Variants in SUGCT observed in about 807,000 individuals in gnomAD.
SUGCT encodes succinyl-CoA:glutarate CoA-transferase.
SUGCT carries 41 observed loss-of-function variants against 55.0 expected under a neutral mutation model. The ratio of observed to expected loss-of-function variants is 0.74; its 90% CI spans 0.58 to 0.97. The LOEUF is 0.97. Ranked by LOEUF, SUGCT falls within the 50% of genes least tolerant of loss-of-function variation. The pLI is 0.00. For missense variants in SUGCT, 568 were observed against 547.8 expected (o/e 1.04, Z -0.37); for synonymous variants, 187 against 200.4 (o/e 0.93, Z 0.56).
chr7:40,888,727 C>T, the SUGCT span, among the ~76,000 whole-genome samples: 3 of 152,140 alleles, frequency 2.0e-5, no homozygotes, highest in Non-Finnish European at 4.4e-5. Flanking sequence ...TTATGGCAGA[C>T]CACAGATAGG....
At chr7:40,945,528 G>A in the SUGCT span, among the ~76,000 whole-genome samples, 8,298 of 152,166 alleles carry the variant, frequency 0.055, 769 homozygotes, top group African/African-American at 0.19. Flanking sequence ...CTGCAATGGT[G>A]GGTGAGAGGA....
chr7:40,613,399 G>C (rs905158722), intron 12 of SUGCT, among the ~76,000 whole-genome samples: 3 of 152,148 alleles, frequency 2.0e-5, no homozygotes, highest in Admixed American at 6.5e-5. Context: ...ATTATGTGTG[G>C]AGTTAGACTT....
intron 13 of SUGCT, among the ~76,000 whole-genome samples, chr7:40,770,940 A>G (rs2128727681): frequency 6.6e-6 from 1 of 152,262 alleles, no homozygotes; most frequent in African/African-American, 2.4e-5. Flanking sequence ...TGATCACTTT[A>G]TGGCCTAGCA....
Position 40,194,959 on chromosome 7 carries a change from T to G in SUGCT, c.383T>G (p.Val128Gly). The stretch of plus-strand genomic sequence containing the variant: ...CATCAGCTTGCAGCTGTTTGTGATG[T>G]GTTTGTGGAAAACTATGTCCCTGGC... ...IIKELAAVCD[V>G]FVENYVPGKL... Residue 128 changes from valine to glycine, a missense_variant, in exon 6 of 14, where the codon GTG (valine) becomes GGG (glycine). Transcript: ENST00000335693. The G allele has an allele frequency of 6.2e-7, 1 of 1,613,700 alleles. No individual in the cohort carries two copies. Among genetic ancestry groups the G allele is most frequent in the Non-Finnish European group, 8.5e-7 (1 of 1,179,770 alleles).
chr7:40,991,832 G>A, the SUGCT span, among the ~76,000 whole-genome samples: 1 of 152,092 alleles, frequency 6.6e-6, no homozygotes, highest in African/African-American at 2.4e-5. Flanking sequence ...TATCAGAAGA[G>A]CCTTTCCCTC....
At chr7:40,866,580 A>C in the SUGCT span, among the ~76,000 whole-genome samples, 1 of 151,542 alleles carries the variant, frequency 6.6e-6, no homozygotes, top group South Asian at 2.1e-4. Flanking sequence ...GCAACTCCAC[A>C]AGTGCAGTGG....
At chr7:40,454,740 C>T (rs928173736) in intron 10 of SUGCT, among the ~76,000 whole-genome samples, 1 of 152,068 alleles carries the variant, frequency 6.6e-6, no homozygotes, top group African/African-American at 2.4e-5. Context: ...AGAATGCCAA[C>T]CTAGATTTCA....
intron 12 of SUGCT, among the ~76,000 whole-genome samples, chr7:40,683,189 T>C (rs1784327446): frequency 6.6e-6 from 1 of 152,242 alleles, no homozygotes; most frequent in South Asian, 2.1e-4. Flanking sequence ...TATTAATTAA[T>C]TCCAAGAGGC....
intron 12 of SUGCT, among the ~76,000 whole-genome samples, chr7:40,601,879 A>C (rs1798310668): frequency 6.6e-6 from 1 of 152,192 alleles, no homozygotes; most frequent in Admixed American, 6.5e-5. Context: ...ATAAGATCTA[A>C]CCCTTCAAAT....
chr7:40,717,966 TATA>T lies in SUGCT; in HGVS notation c.1090-31464_1090-31462del, dbSNP rs536164928. On this transcript the variant is annotated intron_variant, in intron 12 of 13. Coordinates refer to ENST00000335693, the MANE Select transcript of SUGCT (RefSeq NM_001193313.2). ...CATATTTTAGTTTTTAAAAATTATC[TATA>T]ATAGCACAATAATGAAAAGTTATTT... 2.3e-3 allele frequency among the ~76,000 whole-genome samples: 357 copies of T among 152,322 alleles called. 4 individuals are homozygous for T. Among genetic ancestry groups the T allele is most frequent in the African/African-American group, 7.9e-3 (329 of 41,590 alleles).
the SUGCT span, among the ~76,000 whole-genome samples, chr7:40,969,657 T>G: frequency 6.6e-6 from 1 of 152,176 alleles, no homozygotes; most frequent in East Asian, 1.9e-4. Context: ...GCACCCAGCT[T>G]TCAACTGTTG....
chr7:40,324,711 T>A (rs983735046), intron 9 of SUGCT, among the ~76,000 whole-genome samples: 4 of 152,190 alleles, frequency 2.6e-5, no homozygotes, highest in African/African-American at 9.7e-5. Context: ...TACTGTCTAT[T>A]CTATGATGTG....
chr7:40,164,155 G>A (rs1419364231), intron 1 of SUGCT, among the ~76,000 whole-genome samples: 4 of 146,698 alleles, frequency 2.7e-5, no homozygotes, highest in Admixed American at 7.0e-5. Context: ...ACGGAGTCTC[G>A]TTCTGTCATG....
At chr7:40,593,007 G>A (rs552069246) in intron 12 of SUGCT, among the ~76,000 whole-genome samples, 1 of 152,282 alleles carries the variant, frequency 6.6e-6, no homozygotes, top group Middle Eastern at 3.4e-3. Context: ...CCAGGTGATC[G>A]AACCAGACCA....
intron 13 of SUGCT, among the ~76,000 whole-genome samples, chr7:40,817,226 G>T (rs941572957): frequency 6.6e-6 from 1 of 152,180 alleles, no homozygotes; most frequent in Admixed American, 6.5e-5. Context: ...TTTAAAACTG[G>T]TCCTCTACCC....
the SUGCT span, among the ~76,000 whole-genome samples, chr7:40,923,034 G>C: frequency 3.3e-4 from 50 of 152,148 alleles, no homozygotes; most frequent in Non-Finnish European, 7.4e-5. Context: ...AGCTGAGATG[G>C]GTGGAGAGGT....
intron 12 of SUGCT, among the ~76,000 whole-genome samples, chr7:40,520,387 A>G (rs754032117): frequency 4.6e-5 from 7 of 152,098 alleles, no homozygotes; most frequent in Non-Finnish European, 7.4e-5. Flanking sequence ...TAGTACTGTA[A>G]TCTAGAGTAA....
chr7:40,446,806 T>G (rs1049237549), intron 9 of SUGCT, among the ~76,000 whole-genome samples: 7 of 152,170 alleles, frequency 4.6e-5, no homozygotes, highest in African/African-American at 7.2e-5. Flanking sequence ...CTACCAGCAC[T>G]GTATAAAATA....
chr7:40,600,470 T>C (rs553581976), intron 12 of SUGCT, among the ~76,000 whole-genome samples: 86 of 152,330 alleles, frequency 5.6e-4, no homozygotes, highest in Non-Finnish European at 1.1e-3. Context: ...TTACAAGGTT[T>C]ATTAGAGAAC....
Sources: allele counts gnomAD v4.1 joint callset (sites outside exome capture counted in the v4.1 genomes callset), GRCh38; gene constraint gnomAD v4.1.1; transcripts MANE v1.5; gene names NCBI Gene and HGNC (gene_info 2026-07-23, HGNC 2026-07-21).